The following BMP5 variants were observed in gnomAD, a reference collection of about 807,000 sequenced individuals.
BMP5 encodes the protein bone morphogenetic protein 5.
In BMP5, 23 loss-of-function variants were observed where a neutral mutation model predicts 46.6. That is an observed-to-expected ratio of 0.49 (90% CI 0.35 to 0.70). The LOEUF (loss-of-function observed/expected upper bound fraction) is 0.70. BMP5 is among the 30% of genes least tolerant of loss of function. The pLI, the probability that BMP5 is intolerant of heterozygous loss-of-function variation, is 0.00. For synonymous variants in BMP5, 204 were observed against 191.9 expected (o/e 1.06, Z -0.52); for missense variants, 545 against 565.6 (o/e 0.96, Z 0.37).
At chr6:55,846,336 G>C (rs1167315685) in intron 1 of BMP5, among the ~76,000 whole-genome samples, 1 of 151,840 alleles carries the variant, frequency 6.6e-6, no homozygotes, top group Non-Finnish European at 1.5e-5. Context: ...ATTTTCATTT[G>C]GTTAATATTT....
At chr6:55,848,843 G>T (rs1423636194) in intron 1 of BMP5, among the ~76,000 whole-genome samples, 1 of 151,962 alleles carries the variant, frequency 6.6e-6, no homozygotes, top group African/African-American at 2.4e-5. Context: ...TGCAGGATTA[G>T]ACCAGCTCTT....
At chr6:55,777,727 A>G (rs1401792438) in intron 3 of BMP5, among the ~76,000 whole-genome samples, 1 of 151,924 alleles carries the variant, frequency 6.6e-6, no homozygotes, top group Non-Finnish European at 1.5e-5. Flanking sequence ...AGCTGCAGTG[A>G]TATTTTTTTA....
intron 1 of BMP5, among the ~76,000 whole-genome samples, chr6:55,844,745 A>G (rs1777055782): frequency 6.6e-6 from 1 of 151,872 alleles, no homozygotes; most frequent in South Asian, 2.1e-4. Context: ...AACTCTTGCC[A>G]TAAGTAGTTT....
At chr6:55,846,443 G>A (rs1345422273) in intron 1 of BMP5, among the ~76,000 whole-genome samples, 4 of 151,916 alleles carry the variant, frequency 2.6e-5, no homozygotes, top group Non-Finnish European at 5.9e-5. Context: ...AGAAAAGATG[G>A]CAACCTGAAG....
At chr6:55,775,260 C>T (rs775875899) in intron 3 of BMP5, among the ~76,000 whole-genome samples, 1 of 151,898 alleles carries the variant, frequency 6.6e-6, no homozygotes, top group Non-Finnish European at 1.5e-5. Context: ...GGAGTGGTTG[C>T]TGTGCTAGGC....
intron 3 of BMP5, among the ~76,000 whole-genome samples, chr6:55,793,765 C>G (rs1040939527): frequency 1.3e-5 from 2 of 152,134 alleles, no homozygotes; most frequent in Non-Finnish European, 2.9e-5. Flanking sequence ...GTGACTCATT[C>G]CATCCCCATC....
chr6:55,809,097 CCTT>C (rs1156971538), intron 2 of BMP5, among the ~76,000 whole-genome samples: 6 of 152,090 alleles, frequency 3.9e-5, no homozygotes, highest in Admixed American at 6.6e-5. Flanking sequence ...AAGTTATCTT[CCTT>C]CTTCTTTAAA....
intron 3 of BMP5, among the ~76,000 whole-genome samples, chr6:55,777,631 AAC>A (rs1775207660): frequency 6.6e-6 from 1 of 152,002 alleles, no homozygotes; most frequent in South Asian, 2.1e-4. Flanking sequence ...GCATAGCTAG[AAC>A]AGTGATAGAT....
At chr6:55,789,972 T>C (rs188374739) in intron 3 of BMP5, among the ~76,000 whole-genome samples, 4 of 152,276 alleles carry the variant, frequency 2.6e-5, no homozygotes, top group Admixed American at 2.6e-4. Context: ...ACTGACATAA[T>C]TTCCACAGGC....
At chr6:55,838,226 C>T (rs752115249) in intron 1 of BMP5, among the ~76,000 whole-genome samples, 1 of 152,156 alleles carries the variant, frequency 6.6e-6, no homozygotes, top group Non-Finnish European at 1.5e-5. Context: ...AAACTGTTCT[C>T]CATAGTGGTT....
intron 2 of BMP5, among the ~76,000 whole-genome samples, chr6:55,808,812 G>T (rs1776054108): frequency 6.6e-6 from 1 of 152,140 alleles, no homozygotes; most frequent in Non-Finnish European, 1.5e-5. Context: ...CAGTTCTGAT[G>T]ACAGAACCTG....
chr6:55,841,440 T>G (rs2127545708), intron 1 of BMP5, among the ~76,000 whole-genome samples: 1 of 152,334 alleles, frequency 6.6e-6, no homozygotes, highest in Admixed American at 6.5e-5. Context: ...ATTGATTTGT[T>G]TTCAAGTATA....
chr6:55,865,264 C>T, intron 1 of BMP5: 1 of 319,792 alleles, frequency 3.1e-6, no homozygotes, highest in Non-Finnish European at 6.1e-6. Flanking sequence ...ATAGACTGTC[C>T]ATGTCTTTAC....
At chr6:55,869,422 C>T (rs9475436) in intron 1 of BMP5, among the ~76,000 whole-genome samples, 30,886 of 151,850 alleles carry the variant, frequency 0.2, 3,700 homozygotes, top group Admixed American at 0.26. Context: ...ATCCTTATTC[C>T]TGTATGCCTC....
intron 1 of BMP5, among the ~76,000 whole-genome samples, chr6:55,823,277 C>T (rs1351720567): frequency 1.3e-5 from 2 of 152,020 alleles, no homozygotes; most frequent in Admixed American, 1.3e-4. Flanking sequence ...AAGTGAAGAA[C>T]AGAATAAGGA....
At chr6:55,856,655 T>C (rs1777405848) in intron 1 of BMP5, among the ~76,000 whole-genome samples, 1 of 152,114 alleles carries the variant, frequency 6.6e-6, no homozygotes, top group Admixed American at 6.5e-5. Context: ...TGTTGAACAT[T>C]TTCTTACATG....
At chr6:55,851,212 C>T (rs1378134141) in intron 1 of BMP5, among the ~76,000 whole-genome samples, 17 of 147,198 alleles carry the variant, frequency 1.2e-4, no homozygotes, top group African/African-American at 4.2e-4. Flanking sequence ...TAATTTTCTT[C>T]TCCCCATTCT....
intron 1 of BMP5, among the ~76,000 whole-genome samples, chr6:55,844,884 T>TA (rs1179426834): frequency 2.0e-5 from 3 of 152,016 alleles, no homozygotes; most frequent in African/African-American, 2.4e-5. Context: ...AATGTTTAGC[T>TA]AAAAATGTAT....
intron 4 of BMP5, among the ~76,000 whole-genome samples, chr6:55,765,189 G>A (rs1774890325): frequency 6.6e-6 from 1 of 152,032 alleles, no homozygotes; most frequent in Admixed American, 6.6e-5. Flanking sequence ...TAGACTTGCT[G>A]TGAACTGGAC....
Sources: gnomAD v4.1 joint callset for allele counts (sites outside exome capture counted in the v4.1 genomes callset) on GRCh38, gnomAD v4.1.1 for gene constraint, MANE v1.5 for transcripts, NCBI Gene and HGNC (gene_info 2026-07-23, HGNC 2026-07-21) for gene names.